ZBTB40: variants seen among roughly 807,000 people sequenced by gnomAD.
ZBTB40 encodes the protein zinc finger and BTB domain containing 40.
In ZBTB40, 60 loss-of-function variants were observed where a neutral mutation model predicts 117.5. The ratio of observed to expected loss-of-function variants is 0.51; its 90% CI spans 0.41 to 0.63. The LOEUF (loss-of-function observed/expected upper bound fraction) is 0.63, where lower values mean the gene tolerates loss of function less well. ZBTB40 is among the 30% of genes least tolerant of loss of function. The probability of loss-of-function intolerance (pLI) is 0.00; values close to 1 mark genes in which losing one functional copy is unlikely to be tolerated. For missense variants in ZBTB40, 1,287 were observed against 1,498.5 expected, an observed-to-expected ratio of 0.86 and a Z score of 2.33; for synonymous variants, 525 against 577.1, an observed-to-expected ratio of 0.91 and a Z score of 1.29.
At chr1:22,508,497 C>G (rs1390051771) in intron 7 of ZBTB40, 33 bp from the exon 8 acceptor site, 2 of 1,612,772 alleles carry the variant, frequency 1.2e-6, no homozygotes, top group Non-Finnish European at 1.7e-6. Context: ...GCTGGAGAGT[C>G]TCTTACGTGA....
rs182599019 is a variant in ZBTB40 at position 22,510,263 on chromosome 1, A to G, written c.1834-916A>G. ...AGGTGTGCAGAAGGGCGGGTTTCTA[A>G]CTCTCTCTGTGCAGGTGACAGCCAC... On this transcript the variant is annotated intron_variant, in intron 9 of 17. Transcript: ENST00000375647. 7.0e-3 allele frequency among the ~76,000 whole-genome samples: 1,067 copies of G among 152,198 alleles called. 11 individuals are homozygous for G. Among genetic ancestry groups the G allele is most frequent in the Non-Finnish European group, 0.011 (746 of 67,972 alleles).
chr1:22,474,710 T>G (rs374916149), intron 1 of ZBTB40, among the ~76,000 whole-genome samples: 20 of 152,246 alleles, frequency 1.3e-4, no homozygotes, highest in African/African-American at 4.6e-4. Context: ...TCAGAGAGCA[T>G]CTCAGCCTCT....
At chr1:22,502,790 G>A (rs60340685) in intron 5 of ZBTB40, among the ~76,000 whole-genome samples, 59,976 of 151,948 alleles carry the variant, frequency 0.39, 14,730 homozygotes, top group African/African-American at 0.66. Flanking sequence ...AGTTTTTACT[G>A]TAAACAACTG....
chr1:22,489,738 A>G (rs1638569682), intron 1 of ZBTB40, 142 bp from the exon 2 acceptor site: 3 of 625,592 alleles, frequency 4.8e-6, no homozygotes, highest in Admixed American at 5.1e-5. Flanking sequence ...GATTTAGTAT[A>G]CCTGGCATAC....
chr1:22,526,052 T>TA (rs1639668004), intron 17 of ZBTB40, 150 bp from the exon 18 acceptor site: 2 of 867,268 alleles, frequency 2.3e-6, no homozygotes, highest in Admixed American at 4.1e-5. Flanking sequence ...GCCAGTGGGT[T>TA]AGACTTGCCT....
At chr1:22,462,889 T>C (rs935426180) in intron 1 of ZBTB40, among the ~76,000 whole-genome samples, 1 of 152,328 alleles carries the variant, frequency 6.6e-6, no homozygotes, top group South Asian at 2.1e-4. Flanking sequence ...ATTTGACATA[T>C]ATAGAAGATA....
intron 1 of ZBTB40, among the ~76,000 whole-genome samples, chr1:22,485,878 T>C (rs766968520): frequency 6.6e-6 from 1 of 152,206 alleles, no homozygotes; most frequent in Non-Finnish European, 1.5e-5. Flanking sequence ...TTTTTATCTC[T>C]AGCATTTCTT....
At chr1:22,486,683 A>G (rs573400940) in intron 1 of ZBTB40, among the ~76,000 whole-genome samples, 1 of 151,950 alleles carries the variant, frequency 6.6e-6, no homozygotes, top group South Asian at 2.1e-4. Flanking sequence ...TTAACCTGGC[A>G]CTTGTTCCTA....
At chr1:22,437,890 C>T (rs1413735037) in intron 1 of ZBTB40, among the ~76,000 whole-genome samples, 3 of 151,842 alleles carry the variant, frequency 2.0e-5, no homozygotes, top group African/African-American at 7.3e-5. Flanking sequence ...TTTGGGAAGC[C>T]GAGGCAGGCT....
intron 1 of ZBTB40, among the ~76,000 whole-genome samples, chr1:22,461,651 T>C (rs1364463797): frequency 6.6e-6 from 1 of 151,962 alleles, no homozygotes; most frequent in Non-Finnish European, 1.5e-5. Context: ...GAAGGCTGAG[T>C]GATCTGAGTA....
intron 17 of ZBTB40, among the ~76,000 whole-genome samples, chr1:22,525,531 C>A (rs1241366672): frequency 6.6e-6 from 1 of 152,276 alleles, no homozygotes; most frequent in South Asian, 2.1e-4. Flanking sequence ...GAGGCTTAGG[C>A]GGGAATTGGA....
chr1:22,497,554 G>A (rs1638812385), intron 3 of ZBTB40, among the ~76,000 whole-genome samples: 1 of 152,122 alleles, frequency 6.6e-6, no homozygotes, highest in Non-Finnish European at 1.5e-5. Context: ...TGGTTTTATG[G>A]CAAGGGAATT....
chr1:22,467,553 C>T lies in ZBTB40; in HGVS notation c.-70+15549C>T, dbSNP rs144647023. Among the ~76,000 whole-genome samples, 17 of 152,282 alleles carry T rather than the reference C, an allele frequency of 1.1e-4. No individual in the cohort carries two copies. In the East Asian group the frequency reaches 3.3e-3, roughly 29 times the overall value. ...GCAGTGGCGCAATCTCTGCTCACTG[C>T]AATCTCTGCCTCCCTGGTTCAAGCA... On this transcript the variant is annotated intron_variant, in intron 1 of 17. Transcript: ENST00000375647.
chr1:22,443,556 C>A (rs900244709), intron 1 of ZBTB40, among the ~76,000 whole-genome samples: 4 of 152,080 alleles, frequency 2.6e-5, no homozygotes, highest in Non-Finnish European at 5.9e-5. Flanking sequence ...GCACATGAAC[C>A]CCCTAAGTAG....
intron 1 of ZBTB40, among the ~76,000 whole-genome samples, chr1:22,471,719 A>T (rs1641409236): frequency 6.6e-6 from 1 of 152,208 alleles, no homozygotes; most frequent in Non-Finnish European, 1.5e-5. Context: ...TATTCACCCC[A>T]TCCGAAGAGA....
chr1:22,433,450 A>AAAAAAAAAAAAAAAAAAAAAAAAAAAAAC (rs1640627089), intron 1 of ZBTB40, among the ~76,000 whole-genome samples: 1 of 140,706 alleles, frequency 7.1e-6, no homozygotes, highest in Non-Finnish European at 1.6e-5. Flanking sequence ...AAAAAAAAAA[A>AAAAAAAAAAAAAAAAAAAAAAAAAAAAAC]AAAAAAAGAC....
intron 7 of ZBTB40, 137 bp from the exon 8 acceptor site, chr1:22,508,393 C>A: frequency 9.1e-7 from 1 of 1,101,468 alleles, no homozygotes; most frequent in Non-Finnish European, 1.4e-6. Flanking sequence ...AGAAATCTCT[C>A]AGACTGAGAG....
intron 1 of ZBTB40, among the ~76,000 whole-genome samples, chr1:22,434,718 G>C (rs943049235): frequency 5.9e-5 from 9 of 152,088 alleles, no homozygotes; most frequent in African/African-American, 2.2e-4. Context: ...ATTTCTGTAT[G>C]TATCTTGGTG....
chr1:22,523,197 C>T (rs192107162), intron 16 of ZBTB40, among the ~76,000 whole-genome samples: 5 of 151,974 alleles, frequency 3.3e-5, no homozygotes, highest in East Asian at 1.9e-4. Flanking sequence ...ATGATCCGCC[C>T]GCCTCACCCT....
Sources: gnomAD v4.1 joint callset for allele counts (sites outside exome capture counted in the v4.1 genomes callset) on GRCh38, gnomAD v4.1.1 for gene constraint, MANE v1.5 for transcripts, NCBI Gene and HGNC (gene_info 2026-07-23, HGNC 2026-07-21) for gene names.